The following GSDMD variants were observed in gnomAD, a reference collection of about 807,000 sequenced individuals.
GSDMD encodes the protein gasdermin D, also known as gasdermin-D.
Under a neutral mutation model 46.7 loss-of-function variants are expected in GSDMD, and 46 were observed. The observed-to-expected ratio is 0.99, with a 90% CI of 0.78 to 1.26. The LOEUF (loss-of-function observed/expected upper bound fraction) is 1.26, where lower values mean the gene tolerates loss of function less well. Among genes scored for constraint, GSDMD ranks in the 50% most tolerant of loss-of-function variants. GSDMD has a pLI of 0.00. For synonymous variants in GSDMD, 307 were observed against 283.1 expected (o/e 1.08, Z -0.85); for missense variants, 649 against 638.8 (o/e 1.02, Z -0.17).
intron 2 of GSDMD, 39 bp from the exon 3 acceptor site, chr8:143,559,738 G>A (rs752652660): frequency 1.7e-5 from 26 of 1,544,734 alleles, no homozygotes; most frequent in African/African-American, 4.1e-5. Context: ...GGGGAGAGGC[G>A]GGGCGCTGGG....
Position 143,562,816 on chromosome 8 carries a change from T to C in GSDMD, c.1367T>C (p.Val456Ala), listed in dbSNP as rs1176958316. The change falls in exon 11 of 11, where the codon GTG (valine) becomes GCG (alanine). Residue 456 changes from valine to alanine, a missense_variant. Physicochemically the swap from Val to Ala is moderately conservative, Grantham distance 64. Transcript: ENST00000262580. Reference sequence around the variant, plus strand: ...GAGCTGGGGGAGGACACTCCCCACGTGTGCTGGGAGCCGCAGGCCCAGGGC... The same window carrying C: ...GAGCTGGGGGAGGACACTCCCCACGCGTGCTGGGAGCCGCAGGCCCAGGGC... ...GLELGEDTPH[V>A]CWEPQAQGRM... The C allele has an allele frequency of 6.2e-7, 1 of 1,607,662 alleles. No homozygotes were observed.
At chr8:143,559,993 G>A in intron 3 of GSDMD, 24 bp downstream of exon 3, 1 of 1,603,742 alleles carries the variant, frequency 6.2e-7, no homozygotes, top group South Asian at 1.1e-5. Context: ...GGGCAGGGCA[G>A]GGCAGGGCCC....
upstream of GSDMD, chr8:143,558,233 C>T (rs1823354353): frequency 1.3e-5 from 17 of 1,281,628 alleles, no homozygotes; most frequent in Non-Finnish European, 1.5e-5. Flanking sequence ...CCTCCGGACG[C>T]GCGAGGCTGG....
At position 143,562,667 on chromosome 8, in the gene GSDMD, C is replaced by A; in HGVS notation, c.1218C>A (p.Gly406=). Residue 406 remains glycine, a synonymous_variant, in exon 11 of 11, where the codon GGC becomes GGA. Coordinates refer to ENST00000262580, the MANE Select transcript of GSDMD (RefSeq NM_024736.7). ...CTCCTGCCCTGTCTTGGCAGGTGGG[C>A]AGCCTCTTGGAGCAGAGTGCCCCGT... ...QTLLGPLELV[G]SLLEQSAPWQ... 1 of 1,606,508 alleles carries A rather than the reference C, an allele frequency of 6.2e-7. No homozygotes were observed. Among genetic ancestry groups the A allele is most frequent in the South Asian group, 1.1e-5 (1 of 90,210 alleles).
intron 1 of GSDMD, chr8:143,558,735 A>G: frequency 1.7e-6 from 1 of 594,034 alleles, no homozygotes; most frequent in Non-Finnish European, 3.0e-6. Context: ...CCCAGCCTCC[A>G]CTTTCAGCAG....
At chr8:143,557,897 T>C (rs1823346227), upstream of GSDMD, 2 of 444,614 alleles carry the variant, frequency 4.5e-6, no homozygotes, top group Non-Finnish European at 8.9e-6. Context: ...AGTTGTTTGT[T>C]TGCTTGTTTG....
upstream of GSDMD, among the ~76,000 whole-genome samples, chr8:143,557,388 A>C (rs76585968): frequency 0.39 from 24,330 of 62,024 alleles, 4,817 homozygotes; most frequent in Non-Finnish European, 0.47. Flanking sequence ...GCGAAGGATG[A>C]TGCCGCTGTG....
Position 143,558,445 on chromosome 8 carries a change from G to T in GSDMD, c.-11G>T, listed in dbSNP as rs968429169. 17 of 1,499,752 alleles carry T rather than the reference G, an allele frequency of 1.1e-5. 1 individual carries two copies. In the African/African-American group the frequency reaches 2.3e-4, roughly 20 times the overall value. 92.9% of individuals were successfully genotyped at this position (1,499,752 alleles called of 1,614,324 possible). The stretch of plus-strand genomic sequence containing the variant: ...GACGCGCCACCCTCGGGGCGCCGAC[G>T]GTCACGGTGAGCTGCGCCCCGCCCC... On this transcript the variant is annotated 5_prime_UTR_variant, in exon 1 of 11. Transcript: ENST00000262580.
chr8:143,559,279 C>CG, intron 1 of GSDMD, 53 bp from the exon 2 acceptor site: 34 of 585,100 alleles, frequency 5.8e-5, no homozygotes, highest in East Asian at 9.4e-5. Context: ...CCTTCTCCCA[C>CG]TCCCTCCCGC....
chr8:143,558,597 G>A (rs1823368264), intron 1 of GSDMD, 146 bp downstream of exon 1: 1 of 856,034 alleles, frequency 1.2e-6, no homozygotes, highest in South Asian at 1.9e-5. Flanking sequence ...GAAGCTCCAG[G>A]CTTCGGGAAA....
chr8:143,556,727 G>T (rs530760025), upstream of GSDMD, among the ~76,000 whole-genome samples: 68 of 152,326 alleles, frequency 4.5e-4, no homozygotes, highest in African/African-American at 1.6e-3. Flanking sequence ...CCGTGTGCAG[G>T]GGTGGGCCCA....
rs756830484 is a variant in GSDMD, at chr8:143,559,920, T to G, written c.361T>G (p.Tyr121Asp). 5.6e-6 allele frequency: 9 copies of G among 1,612,848 alleles called. No individual in the cohort carries two copies. The South Asian group carries it at 9.9e-5, about 18-fold the overall frequency. ...SDSSSTSMNV[Y>D]SLSVDPNTWQ... Reference sequence around the variant, plus strand: ...CAGCTCCAGCACCTCAATGAATGTGTACTCGCTGAGTGTGGACCCTAACAC... The same window carrying G: ...CAGCTCCAGCACCTCAATGAATGTGGACTCGCTGAGTGTGGACCCTAACAC... Residue 121 changes from tyrosine (Y) to aspartate (D), a missense_variant, in exon 3 of 11, where the codon TAC becomes GAC. Physicochemically the swap from Tyr to Asp is radical, Grantham distance 160. Transcript: ENST00000262580.
At chr8:143,560,961 C>T (rs763495073) in intron 4 of GSDMD, 41 bp from the exon 5 acceptor site, 9 of 1,589,312 alleles carry the variant, frequency 5.7e-6, no homozygotes, top group Middle Eastern at 1.7e-4. Flanking sequence ...CCCCACGGCC[C>T]GGTGCCAGGG....
chr8:143,558,203 TG>T, upstream of GSDMD: 1 of 915,896 alleles, frequency 1.1e-6, no homozygotes, highest in Non-Finnish European at 1.6e-6. Context: ...GCTACCAGGA[TG>T]GGGCGCCAAG....
upstream of GSDMD, among the ~76,000 whole-genome samples, chr8:143,554,615 ACT>A (rs1348154869): frequency 3.4e-5 from 5 of 147,504 alleles, no homozygotes; most frequent in African/African-American, 1.0e-4. Context: ...CGCACACAAC[ACT>A]CAGGTGCATA....
upstream of GSDMD, among the ~76,000 whole-genome samples, chr8:143,554,632 C>T (rs950477275): frequency 6.7e-6 from 1 of 149,792 alleles, no homozygotes; most frequent in Non-Finnish European, 1.5e-5. Flanking sequence ...TGCATAAACG[C>T]GCGCAAACGC....
chr8:143,556,543 A>C (rs1240579680), upstream of GSDMD, among the ~76,000 whole-genome samples: 1 of 152,242 alleles, frequency 6.6e-6, no homozygotes. Context: ...ATCTTGCCTC[A>C]CACAAAACAA....
At chr8:143,554,746 C>G (rs1445773715), upstream of GSDMD, among the ~76,000 whole-genome samples, 2 of 149,224 alleles carry the variant, frequency 1.3e-5, no homozygotes, top group African/African-American at 4.9e-5. Context: ...ACACACACAC[C>G]TGCATGCACA....
upstream of GSDMD, chr8:143,558,066 G>T (rs972067117): frequency 2.4e-6 from 1 of 419,858 alleles, no homozygotes. Flanking sequence ...GGCTAATTTT[G>T]TATTTTTAGT....
Sources: gnomAD v4.1 joint callset for allele counts (sites outside exome capture counted in the v4.1 genomes callset) on GRCh38, gnomAD v4.1.1 for gene constraint, MANE v1.5 for transcripts, NCBI Gene and HGNC (gene_info 2026-07-23, HGNC 2026-07-21) for gene names.